The following VPS13A variants were observed in gnomAD, a reference collection of about 807,000 sequenced individuals.
VPS13A encodes intermembrane lipid transfer protein VPS13A.
In VPS13A, 264 loss-of-function variants were observed where a neutral mutation model predicts 390.9. The ratio of observed to expected loss-of-function variants is 0.68; its 90% CI spans 0.61 to 0.75. The LOEUF is 0.75. Among genes scored for constraint, VPS13A ranks in the 30% least tolerant of loss-of-function variants. VPS13A has a pLI of 0.00. For missense variants in VPS13A, 3,409 were observed against 3,733.9 expected, an observed-to-expected ratio of 0.91 and a Z score of 2.27; for synonymous variants, 1,231 against 1,227.1, an observed-to-expected ratio of 1.00 and a Z score of -0.07.
chr9:77,301,873 T>C (rs1828375352), intron 33 of VPS13A, among the ~76,000 whole-genome samples: 1 of 152,220 alleles, frequency 6.6e-6, no homozygotes, highest in Admixed American at 6.5e-5. Context: ...ATATGTGATA[T>C]TCTGTTACTT....
At chr9:77,193,417 T>A (rs1824800859) in intron 1 of VPS13A, among the ~76,000 whole-genome samples, 1 of 152,110 alleles carries the variant, frequency 6.6e-6, no homozygotes. Flanking sequence ...GCGGATCACT[T>A]GAGGTCAGGT....
At chr9:77,341,781 T>A (rs577262287) in intron 50 of VPS13A, among the ~76,000 whole-genome samples, 1 of 149,694 alleles carries the variant, frequency 6.7e-6, no homozygotes, top group Non-Finnish European at 1.5e-5. Context: ...TAATTATAGT[T>A]CTTATTCCCA....
intron 9 of VPS13A, among the ~76,000 whole-genome samples, chr9:77,213,694 G>A (rs534044668): frequency 5.3e-5 from 8 of 151,980 alleles, no homozygotes; most frequent in African/African-American, 9.6e-5. Flanking sequence ...TAGAGACAAG[G>A]TCTCACTTTT....
chr9:77,248,565 A>G (rs777680323), intron 20 of VPS13A, among the ~76,000 whole-genome samples: 1 of 151,672 alleles, frequency 6.6e-6, no homozygotes, highest in Non-Finnish European at 1.5e-5. Flanking sequence ...TTCAGTAGAG[A>G]ATACATTTTT....
intron 16 of VPS13A, among the ~76,000 whole-genome samples, chr9:77,227,710 T>G (rs1823599511): frequency 6.6e-6 from 1 of 151,420 alleles, no homozygotes; most frequent in South Asian, 2.1e-4. Context: ...TTGTTTTTTT[T>G]TTTTGATAGA....
intron 67 of VPS13A, among the ~76,000 whole-genome samples, chr9:77,378,543 G>A (rs780600011): frequency 6.6e-6 from 1 of 151,908 alleles, no homozygotes; most frequent in Non-Finnish European, 1.5e-5. Context: ...AAGATTGGTA[G>A]TAGTGTTCCC....
chr9:77,250,262 T>A (rs1244017443), intron 21 of VPS13A, 33 bp downstream of exon 21: 1 of 1,609,776 alleles, frequency 6.2e-7, no homozygotes, highest in African/African-American at 1.3e-5. Context: ...GTTGATTGAT[T>A]TTGTTGAAGT....
intron 31 of VPS13A, among the ~76,000 whole-genome samples, chr9:77,285,069 A>G (rs1263158567): frequency 6.6e-6 from 1 of 152,182 alleles, no homozygotes; most frequent in African/African-American, 2.4e-5. Context: ...TACAAAATAA[A>G]AAAAATCTTT....
At chr9:77,398,727 T>G (rs1043226807) in intron 68 of VPS13A, among the ~76,000 whole-genome samples, 3 of 152,156 alleles carry the variant, frequency 2.0e-5, no homozygotes, top group Admixed American at 2.0e-4. Context: ...ATTCTCATGT[T>G]TATAATGGAG....
chr9:77,270,104 T>C (rs1292120991), intron 23 of VPS13A, among the ~76,000 whole-genome samples: 1 of 152,140 alleles, frequency 6.6e-6, no homozygotes, highest in Non-Finnish European at 1.5e-5. Context: ...GGCAATCTCA[T>C]ATACGTTTTG....
At chr9:77,290,056 A>G (rs1217295345) in intron 31 of VPS13A, among the ~76,000 whole-genome samples, 1 of 152,130 alleles carries the variant, frequency 6.6e-6, no homozygotes, top group Non-Finnish European at 1.5e-5. Flanking sequence ...TGCTGGGATT[A>G]CAGGCGTGAG....
chr9:77,322,689 T>C (rs1168585790), intron 44 of VPS13A, among the ~76,000 whole-genome samples: 1 of 152,004 alleles, frequency 6.6e-6, no homozygotes, highest in East Asian at 1.9e-4. Flanking sequence ...ACACAAGTTG[T>C]TGGAAAAATT....
At chr9:77,304,722 CT>C (rs1828610360) in intron 34 of VPS13A, among the ~76,000 whole-genome samples, 1 of 152,144 alleles carries the variant, frequency 6.6e-6, no homozygotes, top group Non-Finnish European at 1.5e-5. Context: ...TCTCATGGAA[CT>C]GCCCACAAGT....
At chr9:77,286,918 A>G (rs1281949152) in intron 31 of VPS13A, among the ~76,000 whole-genome samples, 1 of 151,994 alleles carries the variant, frequency 6.6e-6, no homozygotes, top group Non-Finnish European at 1.5e-5. Flanking sequence ...ACTTTTTAAC[A>G]TGGTGTTTTA....
At chr9:77,189,061 T>C (rs1316496750) in intron 1 of VPS13A, among the ~76,000 whole-genome samples, 1 of 152,014 alleles carries the variant, frequency 6.6e-6, no homozygotes, top group African/African-American at 2.4e-5. Context: ...ATTTTGTAGA[T>C]TGTCTGTTTA....
chr9:77,416,595 A>G lies in VPS13A; in HGVS notation c.*589A>G, dbSNP rs1835176786. On this transcript the variant is annotated 3_prime_UTR_variant, in exon 72 of 72. Coordinates refer to ENST00000360280, the MANE Select transcript of VPS13A (RefSeq NM_033305.3). Reference sequence around the variant, plus strand: ...TGTACTTAAAATGCATAGCATTATTAAAAACAATCTTTTAAAATATAATTT... The same window carrying G: ...TGTACTTAAAATGCATAGCATTATTGAAAACAATCTTTTAAAATATAATTT... The G allele has an allele frequency of 6.6e-6, 1 of 152,344 alleles. No homozygotes were observed. The highest frequency in any genetic ancestry group is 1.5e-5 in the Non-Finnish European group (1 of 68,128). The allele number at this position is 152,344 out of a possible 1,614,324, so 9.4% of individuals were successfully genotyped here.
rs1829323710 is a variant in VPS13A, at chr9:77,315,321, A to T, written c.4481A>T (p.Asp1494Val). The change falls in exon 38 of 72, where the codon GAT becomes GTT. Residue 1494 changes from aspartate to valine, a missense_variant. Around this residue, in one of 5 missense-constraint regions of VPS13A, gnomAD observed 2,717 missense variants for 2,917.4 expected, o/e 0.93. Transcript: ENST00000360280. ...GATATAAAGTACAGGAAAGTCAGAG[A>T]TGGTTGTGTGACTGATGCGGTCTTT... ...MMDIKYRKVR[D>V]GCVTDAVFQE... 1 of 1,613,826 alleles carries T rather than the reference A, an allele frequency of 6.2e-7. No homozygotes were observed. Among genetic ancestry groups the T allele is most frequent in the Admixed American group, 1.7e-5 (1 of 59,990 alleles).
At chr9:77,207,237 A>ACATATG (rs765104096) in intron 5 of VPS13A, among the ~76,000 whole-genome samples, 1 of 79,536 alleles carries the variant, frequency 1.3e-5, no homozygotes, top group East Asian at 5.8e-4. Flanking sequence ...ATATATATAT[A>ACATATG]TATATATATA....
intron 3 of VPS13A, among the ~76,000 whole-genome samples, chr9:77,204,587 T>C (rs1048235194): frequency 2.0e-5 from 3 of 152,162 alleles, no homozygotes; most frequent in African/African-American, 7.2e-5. Flanking sequence ...ATATACATAA[T>C]GAAAAATATA....
Sources: gnomAD v4.1 joint callset for allele counts (sites outside exome capture counted in the v4.1 genomes callset) on GRCh38, gnomAD v4.1.1 for gene constraint, gnomAD v4.1.1 regional missense constraint, MANE v1.5 for transcripts, NCBI Gene and HGNC (gene_info 2026-07-23, HGNC 2026-07-21) for gene names.